The following AGAP3 variants were observed in gnomAD, a reference collection of about 807,000 sequenced individuals.
AGAP3 encodes ArfGAP with GTPase domain, ankyrin repeat and PH domain 3.
In AGAP3, 24 loss-of-function variants were observed where a neutral mutation model predicts 96.9. The ratio of observed to expected loss-of-function variants is 0.25; its 90% CI spans 0.18 to 0.35. The LOEUF is 0.35. Among genes scored for constraint, AGAP3 ranks in the 10% least tolerant of loss-of-function variants. The probability of loss-of-function intolerance (pLI) is 1.00; values close to 1 mark genes in which losing one functional copy is unlikely to be tolerated. For missense variants in AGAP3, 876 were observed against 1,254.2 expected (o/e 0.70, Z 4.55); for synonymous variants, 563 against 536.1 (o/e 1.05, Z -0.69).
At chr7:151,120,168 C>T (rs373341812) in intron 8 of AGAP3, 23 bp downstream of exon 8, 198 of 1,570,694 alleles carry the variant, frequency 1.3e-4, no homozygotes, top group Middle Eastern at 3.4e-4. Context: ...CCTCCTCCCC[C>T]GCCCAGCTGC....
intron 1 of AGAP3, among the ~76,000 whole-genome samples, chr7:151,099,373 C>T (rs374174801): frequency 6.6e-6 from 1 of 151,820 alleles, no homozygotes; most frequent in South Asian, 2.1e-4. Flanking sequence ...GAATAATGTG[C>T]CCTTCTCAGT....
intron 1 of AGAP3, among the ~76,000 whole-genome samples, chr7:151,098,031 G>T (rs1798680975): frequency 6.6e-6 from 1 of 152,176 alleles, no homozygotes; most frequent in Non-Finnish European, 1.5e-5. Context: ...AGTGGCTATG[G>T]TGTTGAAGAA....
intron 11 of AGAP3, among the ~76,000 whole-genome samples, chr7:151,134,980 T>G (rs1763958053): frequency 6.6e-6 from 1 of 152,142 alleles, no homozygotes; most frequent in African/African-American, 2.4e-5. Context: ...CTGGTGCATA[T>G]TCTCAGGCCT....
chr7:151,124,754 C>A (rs990117398), intron 9 of AGAP3, among the ~76,000 whole-genome samples: 1 of 152,072 alleles, frequency 6.6e-6, no homozygotes, highest in Non-Finnish European at 1.5e-5. Flanking sequence ...AGGGGCCAGT[C>A]GGTGTGACCA....
intron 9 of AGAP3, among the ~76,000 whole-genome samples, chr7:151,125,124 G>C (rs975032813): frequency 6.6e-6 from 1 of 152,212 alleles, no homozygotes; most frequent in African/African-American, 2.4e-5. Flanking sequence ...CCTTTGTGGG[G>C]GACCCTGCTA....
intron 1 of AGAP3, among the ~76,000 whole-genome samples, chr7:151,106,223 A>T (rs1406262102): frequency 6.6e-6 from 1 of 152,112 alleles, no homozygotes. Context: ...TTTCCTCTTC[A>T]AGCGGAAGAA....
At chr7:151,105,004 G>T (rs1271185667) in intron 1 of AGAP3, among the ~76,000 whole-genome samples, 2 of 152,210 alleles carry the variant, frequency 1.3e-5, no homozygotes, top group Non-Finnish European at 2.9e-5. Context: ...AGCAGGAGCT[G>T]GGAAGACAGT....
At chr7:151,107,581 G>A (rs182385098) in intron 1 of AGAP3, among the ~76,000 whole-genome samples, 293 of 152,122 alleles carry the variant, frequency 1.9e-3, no homozygotes, top group Admixed American at 2.6e-3. Context: ...CTGTGATGGC[G>A]CCATTGCACT....
intron 1 of AGAP3, among the ~76,000 whole-genome samples, chr7:151,113,339 T>C (rs1231044380): frequency 6.6e-6 from 1 of 152,116 alleles, no homozygotes; most frequent in African/African-American, 2.4e-5. Flanking sequence ...TAATAACTAG[T>C]CCCACGGAAA....
intron 1 of AGAP3, among the ~76,000 whole-genome samples, chr7:151,113,702 T>C (rs925638766): frequency 1.3e-5 from 2 of 152,214 alleles, no homozygotes; most frequent in African/African-American, 2.4e-5. Flanking sequence ...TTTCTGACTT[T>C]ATGGATGACC....
In AGAP3 at chr7:151,140,252, T is replaced by A; in HGVS notation, c.1804+136T>A. 1 of 1,037,838 alleles carries A rather than the reference T, an allele frequency of 9.6e-7. No homozygotes were observed. Among genetic ancestry groups the A allele is most frequent in the Non-Finnish European group, 1.3e-6 (1 of 795,282 alleles). 64.3% of individuals were successfully genotyped at this position (1,037,838 alleles called of 1,614,324 possible). ...ACTTTCTAGTAGTTGCTAATCAAAGTAGTTCTACAGCTTCTTTTGGTAATC... is the reference window on the plus strand; with the variant it reads ...ACTTTCTAGTAGTTGCTAATCAAAGAAGTTCTACAGCTTCTTTTGGTAATC... On this transcript the variant is annotated intron_variant, in intron 13 of 17. Coordinates refer to ENST00000397238, the MANE Select transcript of AGAP3 (RefSeq NM_031946.7). The surrounding 1 kb of genome is among the most constrained non-coding windows in gnomAD (Gnocchi z 5.4).
In AGAP3 at chr7:151,095,781, T is replaced by C. The variant is rs533835919; in HGVS notation, c.331+8709T>C. On this transcript the variant is annotated intron_variant, in intron 1 of 17. Coordinates refer to ENST00000397238, the MANE Select transcript of AGAP3 (RefSeq NM_031946.7). ...TTGTTTGAGAAGAGTTGGGACGTTT[T>C]GGAGGCTTTCCATCACTCTGAGGCA... Among the ~76,000 whole-genome samples, 3 of 150,684 alleles carry C rather than the reference T, an allele frequency of 2.0e-5. No homozygotes were observed. In the South Asian group the frequency reaches 6.3e-4, roughly 32 times the overall value.
intron 10 of AGAP3, among the ~76,000 whole-genome samples, chr7:151,131,467 T>C (rs1191210774): frequency 6.6e-6 from 1 of 152,122 alleles, no homozygotes; most frequent in African/African-American, 2.4e-5. Context: ...AAGGCAGCCG[T>C]GGTGACCGCT....
intron 8 of AGAP3, among the ~76,000 whole-genome samples, chr7:151,121,334 T>G (rs1359622577): frequency 6.6e-6 from 1 of 151,560 alleles, no homozygotes; most frequent in Admixed American, 6.6e-5. Flanking sequence ...ATTGAGACAT[T>G]AGAGCGTGGG....
In AGAP3 at chr7:151,121,893, C is replaced by T. The variant is rs761083940; in HGVS notation, c.1128+1748C>T. Among the ~76,000 whole-genome samples the T allele has an allele frequency of 1.0e-3, 157 of 152,246 alleles. 3 individuals are homozygous for T. Among genetic ancestry groups the T allele is most frequent in the Non-Finnish European group, 2.9e-4 (20 of 68,038 alleles). On this transcript the variant is annotated intron_variant, in intron 8 of 17. Transcript: ENST00000397238. ...TCTCCCTCATCGTCCTCCCCAGCAG[C>T]GACATGCTTGCTCGAGGGCGAGCCC...
intron 8 of AGAP3, chr7:151,123,560 T>A: frequency 2.2e-6 from 3 of 1,341,950 alleles, no homozygotes; most frequent in Non-Finnish European, 2.9e-6. Context: ...CCTTGCTCTT[T>A]TGTAAGGGGC....
chr7:151,142,098 G>T lies in AGAP3; in HGVS notation c.1959+46G>T. ...CCCACACAGAGCACCTGGCTGGGGT[G>T]GGACTGAAAGGGGCCTCATGACTGA... On this transcript the variant is annotated intron_variant, in intron 14 of 17. Coordinates refer to ENST00000397238, the MANE Select transcript of AGAP3 (RefSeq NM_031946.7). This position sits in a 1 kb window ranked among gnomAD's most constrained non-coding sequence, Gnocchi z 7.5. 6.2e-7 allele frequency: 1 copy of T among 1,607,410 alleles called. No homozygotes were observed. The highest frequency in any genetic ancestry group is 8.5e-7 in the Non-Finnish European group (1 of 1,175,290).
chr7:151,088,250 C>T (rs567744473), intron 1 of AGAP3, among the ~76,000 whole-genome samples: 158 of 152,314 alleles, frequency 1.0e-3, no homozygotes, highest in African/African-American at 3.7e-3. Flanking sequence ...CTGGGGGGAC[C>T]CCATGTGGTG....
At chr7:151,099,268 G>A (rs977556289) in intron 1 of AGAP3, among the ~76,000 whole-genome samples, 6 of 150,686 alleles carry the variant, frequency 4.0e-5, no homozygotes, top group African/African-American at 1.2e-4. Flanking sequence ...GTGTGAACCC[G>A]GGAGGCGGAG....
Sources: gnomAD v4.1 joint callset for allele counts (sites outside exome capture counted in the v4.1 genomes callset) on GRCh38, gnomAD v4.1.1 for gene constraint, Gnocchi (gnomAD v3.1) non-coding constraint, MANE v1.5 for transcripts, NCBI Gene and HGNC (gene_info 2026-07-23, HGNC 2026-07-21) for gene names.